Variants in APP observed in about 807,000 individuals in gnomAD.
APP encodes amyloid beta precursor protein.
A neutral mutation model predicts 101.4 loss-of-function variants in APP; 31 were observed. The ratio of observed to expected loss-of-function variants is 0.31; its 90% confidence interval spans 0.23 to 0.41. The LOEUF is 0.41. Among genes scored for constraint, APP ranks in the 10% least tolerant of loss-of-function variants. APP has a pLI of 1.00. For missense variants in APP, 839 were observed against 1,003.7 expected, an observed-to-expected ratio of 0.84 and a Z score of 2.22; for synonymous variants, 366 against 364.4, an observed-to-expected ratio of 1.00 and a Z score of -0.05.
chr21:26,110,451 A>C (rs2062289144), intron 2 of APP, among the ~76,000 whole-genome samples: 1 of 152,146 alleles, frequency 6.6e-6, no homozygotes, highest in South Asian at 2.1e-4. Context: ...ATCTCAAAAA[A>C]AAACAAAACA....
chr21:26,026,325 G>C (rs1372029868), intron 5 of APP, among the ~76,000 whole-genome samples: 1 of 152,128 alleles, frequency 6.6e-6, no homozygotes, highest in Non-Finnish European at 1.5e-5. Context: ...TGAAAATGCT[G>C]ACCATCCCCA....
At chr21:26,020,701 A>G (rs1457008303) in intron 6 of APP, among the ~76,000 whole-genome samples, 1 of 152,214 alleles carries the variant, frequency 6.6e-6, no homozygotes, top group African/African-American at 2.4e-5. Flanking sequence ...ATCTTTTACT[A>G]TCTGCCAAGC....
chr21:26,115,881 A>C (rs2146217030), intron 1 of APP, among the ~76,000 whole-genome samples: 1 of 152,320 alleles, frequency 6.6e-6, no homozygotes, highest in South Asian at 2.1e-4. Flanking sequence ...GTAGATGGGA[A>C]ATATAACCAC....
chr21:25,913,901 A>G (rs1206413706), intron 13 of APP, among the ~76,000 whole-genome samples: 1 of 151,920 alleles, frequency 6.6e-6, no homozygotes, highest in East Asian at 1.9e-4. Context: ...AACTCTAAAG[A>G]TCTCCTACCT....
intron 5 of APP, among the ~76,000 whole-genome samples, chr21:26,033,104 G>A (rs760432744): frequency 2.0e-5 from 3 of 152,152 alleles, no homozygotes; most frequent in Non-Finnish European, 2.9e-5. Context: ...ACAGGGAATG[G>A]CACCCGTAGC....
intron 17 of APP, among the ~76,000 whole-genome samples, chr21:25,891,195 C>T (rs1030571769): frequency 4.6e-5 from 7 of 151,138 alleles, no homozygotes; most frequent in Admixed American, 1.3e-4. Flanking sequence ...TTTTGGTGGG[C>T]CATTTGGTAT....
At chr21:26,022,511 T>C (rs955203726) in intron 5 of APP, among the ~76,000 whole-genome samples, 1 of 152,136 alleles carries the variant, frequency 6.6e-6, no homozygotes, top group Non-Finnish European at 1.5e-5. Context: ...TGGTTAATAA[T>C]AGTGTATCGA....
intron 11 of APP, among the ~76,000 whole-genome samples, chr21:25,974,291 T>C (rs1277052253): frequency 6.6e-6 from 1 of 152,206 alleles, no homozygotes; most frequent in South Asian, 2.1e-4. Context: ...ATGAGGGGGC[T>C]GGGCAAGGTT....
chr21:26,000,773 T>C (rs1263847091), intron 6 of APP, among the ~76,000 whole-genome samples: 1 of 152,072 alleles, frequency 6.6e-6, no homozygotes, highest in African/African-American at 2.4e-5. Flanking sequence ...AGACCATTCA[T>C]TTGTATATTA....
intron 1 of APP, among the ~76,000 whole-genome samples, chr21:26,124,697 T>G (rs181441239): frequency 6.6e-6 from 1 of 152,338 alleles, no homozygotes; most frequent in East Asian, 1.9e-4. Context: ...GAGGAAGAGA[T>G]AGAAACGGAT....
intron 2 of APP, among the ~76,000 whole-genome samples, chr21:26,101,369 T>C (rs2052805692): frequency 6.6e-6 from 1 of 152,106 alleles, no homozygotes; most frequent in South Asian, 2.1e-4. Flanking sequence ...TGTGCTGGGA[T>C]TACAGGTGTG....
At chr21:25,994,435 T>C (rs1483876589) in intron 8 of APP, among the ~76,000 whole-genome samples, 1 of 152,196 alleles carries the variant, frequency 6.6e-6, no homozygotes, top group Non-Finnish European at 1.5e-5. Context: ...CAATAAAATA[T>C]GTCCCTAAAA....
At position 25,929,328 on chromosome 21, in the gene APP, G is replaced by A. The variant is rs113410318; in HGVS notation, c.1688-17366C>T. The stretch of plus-strand genomic sequence containing the variant: ...GTAACATAAATTTCATGCCAAAAAT[G>A]TAGAAAAAAGGAATGAGAATTCATT... On this transcript the variant is annotated intron_variant, in intron 13 of 17. Coordinates refer to ENST00000346798, the MANE Select transcript of APP (RefSeq NM_000484.4). Among the ~76,000 whole-genome samples the A allele has an allele frequency of 4.1e-3, 629 of 151,930 alleles. 6 individuals are homozygous for A. Among genetic ancestry groups the A allele is most frequent in the African/African-American group, 0.014 (595 of 41,462 alleles).
intron 13 of APP, among the ~76,000 whole-genome samples, chr21:25,918,439 C>A (rs1448721305): frequency 3.9e-5 from 6 of 152,078 alleles, no homozygotes; most frequent in Admixed American, 2.6e-4. Flanking sequence ...ACGCAGAAGA[C>A]GGGTGATTTC....
chr21:26,015,980 C>T lies in APP; in HGVS notation c.865+5860G>A, dbSNP rs1372336776. Among the ~76,000 whole-genome samples, 6 of 152,064 alleles carry T rather than the reference C, an allele frequency of 3.9e-5. No individual in the cohort carries two copies. In the East Asian group the frequency reaches 1.2e-3, roughly 29 times the overall value. On this transcript the variant is annotated intron_variant, in intron 6 of 17. Transcript: ENST00000346798. The stretch of plus-strand genomic sequence containing the variant: ...ACAGGAAAACAGGCTATTTTTGGCC[C>T]CAATTTGCTGACCCTTGATCATTAC...
intron 1 of APP, among the ~76,000 whole-genome samples, chr21:26,124,219 T>C (rs1367111323): frequency 6.6e-6 from 1 of 152,196 alleles, no homozygotes; most frequent in Non-Finnish European, 1.5e-5. Context: ...AATTCCACTT[T>C]AGATACCTGT....
chr21:26,017,636 C>G (rs974374219), intron 6 of APP, among the ~76,000 whole-genome samples: 2 of 4,170 alleles, frequency 4.8e-4, no homozygotes, highest in African/African-American at 2.1e-3. Flanking sequence ...ATGTCCAGTT[C>G]CTCTGGACAG....
At chr21:26,117,670 C>T (rs942934464) in intron 1 of APP, among the ~76,000 whole-genome samples, 6 of 152,058 alleles carry the variant, frequency 3.9e-5, no homozygotes, top group African/African-American at 1.4e-4. Context: ...CAAGGCTTTG[C>T]CCCTGTGTGT....
At chr21:26,103,627 C>A (rs2062114175) in intron 2 of APP, among the ~76,000 whole-genome samples, 1 of 152,080 alleles carries the variant, frequency 6.6e-6, no homozygotes, top group African/African-American at 2.4e-5. Flanking sequence ...AAAAAGAATT[C>A]TATCAATGGA....
Sources: allele counts gnomAD v4.1 joint callset (sites outside exome capture counted in the v4.1 genomes callset), GRCh38; gene constraint gnomAD v4.1.1; transcripts MANE v1.5; gene names NCBI Gene and HGNC (gene_info 2026-07-23, HGNC 2026-07-21).